Variants in TXNRD1 observed in about 807,000 individuals in gnomAD.
The protein encoded by TXNRD1 is thioredoxin reductase 1, cytoplasmic.
Under a neutral mutation model 80.3 loss-of-function variants are expected in TXNRD1, and 57 were observed. The observed-to-expected ratio is 0.71, with a 90% CI of 0.57 to 0.89. The LOEUF (loss-of-function observed/expected upper bound fraction) is 0.89. Among genes scored for constraint, TXNRD1 ranks in the 40% least tolerant of loss-of-function variants. The probability of loss-of-function intolerance (pLI) is 0.00; values close to 1 mark genes in which losing one functional copy is unlikely to be tolerated. For missense variants in TXNRD1, 730 were observed against 803.0 expected (o/e 0.91, Z 1.10); for synonymous variants, 291 against 285.2 (o/e 1.02, Z -0.20).
intron 1 of TXNRD1, among the ~76,000 whole-genome samples, chr12:104,223,111 G>A (rs2032390184): frequency 6.6e-6 from 1 of 152,152 alleles, no homozygotes. Context: ...ATATTACAGT[G>A]TAGCTATGGC....
chr12:104,284,000 A>C (rs1287355348), intron 3 of TXNRD1, among the ~76,000 whole-genome samples: 4 of 152,204 alleles, frequency 2.6e-5, no homozygotes, highest in Non-Finnish European at 5.9e-5. Flanking sequence ...AAATAATAAG[A>C]GTGAAGGCAG....
chr12:104,339,008 G>A lies in TXNRD1; in HGVS notation c.1747-131G>A, dbSNP rs555706472. The A allele has an allele frequency of 6.1e-5, 77 of 1,252,428 alleles. No individual in the cohort carries two copies. The African/African-American group carries it at 1.0e-3, about 17-fold the overall frequency. 77.6% of individuals were successfully genotyped at this position (1,252,428 alleles called of 1,614,324 possible). A position where few individuals can be genotyped will look rare whatever the true frequency, so the allele number is the denominator to read the frequency against. ...TGGGATTACAGGCGTGAGCCACTGC[G>A]CCCGGCCAGTCTCTGGTCATTTTTG... On this transcript the variant is annotated intron_variant, in intron 15 of 16. Transcript: ENST00000525566.
intron 3 of TXNRD1, among the ~76,000 whole-genome samples, chr12:104,260,670 A>G (rs1445531300): frequency 2.6e-5 from 4 of 152,176 alleles, no homozygotes; most frequent in Non-Finnish European, 5.9e-5. Flanking sequence ...TAAATACTCC[A>G]TAGTATGAAA....
Position 104,302,486 on chromosome 12 carries a change from C to CTTTTTTTTTTTTTTTTTTTTTTTTTT in TXNRD1, c.415-8783_415-8782insTTTTTTTTTTTTTTTTTTTTTTTTTT, listed in dbSNP as rs772202256. The stretch of plus-strand genomic sequence containing the variant: ...TTTAAAAACCAGATGTATTCATTCC[C>CTTTTTTTTTTTTTTTTTTTTTTTTTT]TTTTTTTTTTTTTTTTTTTTTGAGA... On this transcript the variant is annotated intron_variant, in intron 4 of 16. Coordinates refer to ENST00000525566, the MANE Select transcript of TXNRD1 (RefSeq NM_001093771.3). Among the ~76,000 whole-genome samples the CTTTTTTTTTTTTTTTTTTTTTTTTTT allele has an allele frequency of 3.9e-5, 3 of 76,226 alleles. 1 individual carries two copies. The highest frequency in any genetic ancestry group is 5.8e-5 in the African/African-American group (1 of 17,282). 50.0% of individuals were successfully genotyped at this position (76,226 alleles called of 152,430 possible). A position where few individuals can be genotyped will look rare whatever the true frequency, so the allele number is the denominator to read the frequency against.
chr12:104,321,304 C>A lies in TXNRD1; in HGVS notation c.1203C>A (p.Phe401Leu). ...EEHGIKFIRQ[F>L]VPIKVEQIEA... The stretch of plus-strand genomic sequence containing the variant: ...ATGGCATCAAGTTTATAAGACAGTT[C>A]GTACCAATTAAAGTAAGTGGGTTTG... Residue 401 changes from phenylalanine to leucine, a missense_variant, in exon 10 of 17, where the codon TTC becomes TTA. Phe to Leu is a conservative substitution (Grantham distance 22, BLOSUM62 0). Transcript: ENST00000525566. The A allele has an allele frequency of 6.2e-7, 1 of 1,613,722 alleles. No individual in the cohort carries two copies. The highest frequency in any genetic ancestry group is 1.1e-5 in the South Asian group (1 of 91,052).
rs1360261333 is a variant in TXNRD1 at position 104,267,855 on chromosome 12, C to CT, written c.304+9787dup. ...CCTTCCCTCCTTCCTTCCTCTCTCTCTTTTTTTTTTTGAGACTGAGTTTTG... is the reference window on the plus strand; with the variant it reads ...CCTTCCCTCCTTCCTTCCTCTCTCTCTTTTTTTTTTTTGAGACTGAGTTTTG... On this transcript the variant is annotated intron_variant, in intron 3 of 16. Coordinates refer to ENST00000525566, the MANE Select transcript of TXNRD1 (RefSeq NM_001093771.3). Among the ~76,000 whole-genome samples the CT allele has an allele frequency of 7.2e-3, 915 of 127,098 alleles. 6 individuals carry two copies. The highest frequency in any genetic ancestry group is 0.036 in the Middle Eastern group (9 of 250). The allele number at this position is 127,098 out of a possible 152,430, so 83.4% of individuals were successfully genotyped here. A position where few individuals can be genotyped will look rare whatever the true frequency, so the allele number is the denominator to read the frequency against.
intron 9 of TXNRD1, among the ~76,000 whole-genome samples, chr12:104,320,317 T>C (rs552556945): frequency 6.6e-6 from 1 of 152,368 alleles, no homozygotes; most frequent in East Asian, 1.9e-4. Context: ...TATATGCTTT[T>C]ATCCTTTCTC....
At chr12:104,298,808 G>GTT (rs11372608) in intron 4 of TXNRD1, among the ~76,000 whole-genome samples, 52 of 148,702 alleles carry the variant, frequency 3.5e-4, no homozygotes, top group Middle Eastern at 3.4e-3. Context: ...TTTGTATACA[G>GTT]TTTTTTTTTT....
intron 2 of TXNRD1, among the ~76,000 whole-genome samples, chr12:104,252,454 G>GT (rs1767320470): frequency 6.6e-6 from 1 of 151,294 alleles, no homozygotes; most frequent in African/African-American, 2.4e-5. Flanking sequence ...GGGAGGATTA[G>GT]TTTAGTCCAC....
At chr12:104,253,407 G>A (rs1434293299) in intron 2 of TXNRD1, among the ~76,000 whole-genome samples, 1 of 151,932 alleles carries the variant, frequency 6.6e-6, no homozygotes, top group Non-Finnish European at 1.5e-5. Flanking sequence ...CCCATCCCTG[G>A]GGGTTTAGCT....
chr12:104,254,647 AT>A (rs201509851), intron 2 of TXNRD1, among the ~76,000 whole-genome samples: 11 of 108,720 alleles, frequency 1.0e-4, no homozygotes, highest in South Asian at 2.9e-4. Flanking sequence ...AAAAAAAAAT[AT>A]ATATATATAT....
At chr12:104,305,010 A>G in intron 4 of TXNRD1, 1 of 1,407,938 alleles carries the variant, frequency 7.1e-7, no homozygotes, top group Non-Finnish European at 9.5e-7. Context: ...AAACTGAAGC[A>G]CATATTGTAT....
rs531587906 is a variant in TXNRD1 at position 104,236,893 on chromosome 12, C to A, written c.92-14634C>A. Reference sequence around the variant, plus strand: ...TGGATCTTGTTTTTCTGGAAAAAGGCTCTTTTCTTCTCAGTTGACTGAATT... The same window carrying A: ...TGGATCTTGTTTTTCTGGAAAAAGGATCTTTTCTTCTCAGTTGACTGAATT... On this transcript the variant is annotated intron_variant, in intron 1 of 16. Transcript: ENST00000525566. 3.3e-5 allele frequency among the ~76,000 whole-genome samples: 5 copies of A among 151,132 alleles called. No individual in the cohort carries two copies. The East Asian group carries it at 9.7e-4, about 29-fold the overall frequency.
intron 10 of TXNRD1, among the ~76,000 whole-genome samples, chr12:104,321,804 C>A (rs1255791239): frequency 6.6e-6 from 1 of 152,176 alleles, no homozygotes; most frequent in Non-Finnish European, 1.5e-5. Flanking sequence ...ACCTTTTTCG[C>A]TCTTTTAATC....
chr12:104,232,334 G>A (rs1160121897), intron 1 of TXNRD1, among the ~76,000 whole-genome samples: 1 of 152,112 alleles, frequency 6.6e-6, no homozygotes, highest in African/African-American at 2.4e-5. Context: ...AGGCCGAGGT[G>A]GGCAGATCAT....
chr12:104,265,256 A>C (rs1341563724), intron 3 of TXNRD1: 21 of 1,500,282 alleles, frequency 1.4e-5, no homozygotes, highest in East Asian at 4.9e-5. Flanking sequence ...GTCTTAAAAA[A>C]AAAAAAAAAA....
At chr12:104,250,152 A>C (rs1198897865) in intron 1 of TXNRD1, among the ~76,000 whole-genome samples, 2 of 152,166 alleles carry the variant, frequency 1.3e-5, no homozygotes, top group Non-Finnish European at 2.9e-5. Context: ...AGATACATCA[A>C]TAGGGAAAGA....
intron 1 of TXNRD1, among the ~76,000 whole-genome samples, chr12:104,237,332 A>G (rs1015710068): frequency 6.6e-6 from 1 of 152,200 alleles, no homozygotes; most frequent in Non-Finnish European, 1.5e-5. Flanking sequence ...CCATACCCCA[A>G]TAAGAGATGA....
At chr12:104,294,333 C>T (rs771380840) in intron 4 of TXNRD1, among the ~76,000 whole-genome samples, 2 of 150,472 alleles carry the variant, frequency 1.3e-5, no homozygotes, top group Non-Finnish European at 3.0e-5. Context: ...TGGTGACGGG[C>T]GTCTTCCCAG....
Sources: gnomAD v4.1 joint callset for allele counts (sites outside exome capture counted in the v4.1 genomes callset) on GRCh38, gnomAD v4.1.1 for gene constraint, MANE v1.5 for transcripts, NCBI Gene and HGNC (gene_info 2026-07-23, HGNC 2026-07-21) for gene names.